VWC2L: variants seen among roughly 807,000 people sequenced by gnomAD.
VWC2L encodes the protein von Willebrand factor C domain-containing protein 2-like.
VWC2L carries 10 observed loss-of-function variants against 21.6 expected under a neutral mutation model. That is an observed-to-expected ratio of 0.46 (90% CI 0.29 to 0.78). The LOEUF (loss-of-function observed/expected upper bound fraction) is 0.78, where lower values mean the gene tolerates loss of function less well. VWC2L is among the 30% of genes least tolerant of loss of function. VWC2L has a pLI of 0.10. For synonymous variants in VWC2L, 96 were observed against 94.3 expected (o/e 1.02, Z -0.10); for missense variants, 209 against 277.1 (o/e 0.75, Z 1.74).
intron 3 of VWC2L, among the ~76,000 whole-genome samples, chr2:214,462,170 G>A (rs899859851): frequency 6.6e-6 from 1 of 152,166 alleles, no homozygotes; most frequent in African/African-American, 2.4e-5. Context: ...GCAGGTGTGT[G>A]AAACCTAGAA....
intron 3 of VWC2L, among the ~76,000 whole-genome samples, chr2:214,467,459 C>T (rs560216965): frequency 1.4e-4 from 21 of 152,326 alleles, no homozygotes; most frequent in African/African-American, 4.8e-4. Context: ...GGCCTAGAAA[C>T]TTGCAAGGCA....
In VWC2L at chr2:214,412,033, T is replaced by TA. The variant is rs201921052; in HGVS notation, c.-81+257dup. On this transcript the variant is annotated intron_variant, in intron 1 of 3. Coordinates refer to ENST00000312504, the MANE Select transcript of VWC2L (RefSeq NM_001080500.4). ...CAGCTCAATTATGAAGGCTTTTTTT[T>TA]AAAAAAAAAATAGCCTAAGAACTTT... Among the ~76,000 whole-genome samples the TA allele has an allele frequency of 7.3e-3, 1,090 of 149,484 alleles. 8 individuals are homozygous for TA. The highest frequency in any genetic ancestry group is 0.023 in the African/African-American group (948 of 40,820).
At chr2:214,488,941 C>T (rs1206276204) in intron 3 of VWC2L, among the ~76,000 whole-genome samples, 1 of 152,202 alleles carries the variant, frequency 6.6e-6, no homozygotes, top group Non-Finnish European at 1.5e-5. Context: ...GAAGGATCCA[C>T]CCCCATCACC....
intron 3 of VWC2L, among the ~76,000 whole-genome samples, chr2:214,544,634 G>T (rs56762680): frequency 0.018 from 2,745 of 152,202 alleles, 90 homozygotes; most frequent in African/African-American, 0.061. Flanking sequence ...ATGGCGAATG[G>T]CACACAGGTT....
At chr2:214,551,321 A>C (rs1027474115) in intron 3 of VWC2L, among the ~76,000 whole-genome samples, 2 of 152,172 alleles carry the variant, frequency 1.3e-5, no homozygotes, top group Non-Finnish European at 2.9e-5. Context: ...AATTTTACAA[A>C]TCTTCTTATT....
chr2:214,569,487 G>A (rs1690117527), intron 3 of VWC2L, among the ~76,000 whole-genome samples: 1 of 152,064 alleles, frequency 6.6e-6, no homozygotes, highest in Non-Finnish European at 1.5e-5. Flanking sequence ...TTCTGATTTG[G>A]GTGACATAAA....
intron 3 of VWC2L, among the ~76,000 whole-genome samples, chr2:214,564,107 A>G (rs1690024020): frequency 6.6e-6 from 1 of 152,192 alleles, no homozygotes; most frequent in Non-Finnish European, 1.5e-5. Flanking sequence ...AATACAGCTA[A>G]CAAGGGAAGT....
intron 3 of VWC2L, among the ~76,000 whole-genome samples, chr2:214,559,814 T>A (rs1426064567): frequency 6.6e-6 from 1 of 152,172 alleles, no homozygotes; most frequent in African/African-American, 2.4e-5. Flanking sequence ...TTGCCCAGGC[T>A]AGTCTTGAAT....
In VWC2L at chr2:214,488,869, T is replaced by C. The variant is rs146267190; in HGVS notation, c.520+52111T>C. On this transcript the variant is annotated intron_variant, in intron 3 of 3. Transcript: ENST00000312504. The stretch of plus-strand genomic sequence containing the variant: ...TGCCAGGCTCTTCTTTACAACCAGT[T>C]CTCACAGGAACTAATAGAGAACTCA... Among the ~76,000 whole-genome samples, 1,287 of 152,016 alleles carry C rather than the reference T, an allele frequency of 8.5e-3. 11 individuals are homozygous for C. Among genetic ancestry groups the C allele is most frequent in the Middle Eastern group, 0.024 (7 of 294 alleles).
chr2:214,574,466 C>T (rs773468580), intron 3 of VWC2L, among the ~76,000 whole-genome samples: 8 of 152,092 alleles, frequency 5.3e-5, no homozygotes, highest in Non-Finnish European at 1.2e-4. Context: ...AAATATGAAG[C>T]GGAACTACAC....
intron 3 of VWC2L, among the ~76,000 whole-genome samples, chr2:214,470,916 C>CAAAAAAAAAAAAAAAAAAAAAAAAAAAAA (rs56041924): frequency 2.0e-5 from 1 of 50,794 alleles, no homozygotes; most frequent in African/African-American, 1.0e-4. Flanking sequence ...AACTCCATCT[C>CAAAAAAAAAAAAAAAAAAAAAAAAAAAAA]AAAAAAAAAA....
chr2:214,551,640 T>C (rs1160005962), intron 3 of VWC2L, among the ~76,000 whole-genome samples: 9 of 152,248 alleles, frequency 5.9e-5, no homozygotes. Context: ...TATTGACTTC[T>C]CTTTCCAACT....
chr2:214,489,093 C>A (rs1688712284), intron 3 of VWC2L, among the ~76,000 whole-genome samples: 1 of 152,178 alleles, frequency 6.6e-6, no homozygotes, highest in African/African-American at 2.4e-5. Flanking sequence ...GCTACTTCAT[C>A]ACCTGCTATG....
At chr2:214,439,860 C>T (rs970362763) in intron 3 of VWC2L, among the ~76,000 whole-genome samples, 8 of 151,570 alleles carry the variant, frequency 5.3e-5, no homozygotes, top group East Asian at 1.9e-4. Flanking sequence ...GTAGTTTTTC[C>T]GTAAAACTGT....
intron 3 of VWC2L, among the ~76,000 whole-genome samples, chr2:214,470,208 A>C (rs552602563): frequency 1.5e-4 from 22 of 149,020 alleles, no homozygotes; most frequent in Non-Finnish European, 2.8e-4. Context: ...ATTTTTGATA[A>C]ATGCTTTTTT....
intron 3 of VWC2L, among the ~76,000 whole-genome samples, chr2:214,559,294 T>C (rs1574636166): frequency 6.6e-6 from 1 of 152,000 alleles, no homozygotes; most frequent in South Asian, 2.1e-4. Context: ...TGAGAAACCA[T>C]CTCACACCAG....
At chr2:214,416,270 GATA>G (rs764857030) in intron 2 of VWC2L, among the ~76,000 whole-genome samples, 3 of 151,946 alleles carry the variant, frequency 2.0e-5, no homozygotes, top group Non-Finnish European at 4.4e-5. Flanking sequence ...TTACTACAAA[GATA>G]ATAACTATGT....
intron 3 of VWC2L, among the ~76,000 whole-genome samples, chr2:214,514,492 G>A (rs527418079): frequency 6.6e-6 from 1 of 152,222 alleles, no homozygotes; most frequent in Admixed American, 6.5e-5. Flanking sequence ...AGAAATAATG[G>A]AATAGTAGTA....
At chr2:214,488,281 A>G (rs970511457) in intron 3 of VWC2L, among the ~76,000 whole-genome samples, 11 of 152,280 alleles carry the variant, frequency 7.2e-5, no homozygotes, top group South Asian at 4.1e-4. Flanking sequence ...CAAACTTCCT[A>G]TGATAGAGAA....
Sources: gnomAD v4.1 joint callset for allele counts (sites outside exome capture counted in the v4.1 genomes callset) on GRCh38, gnomAD v4.1.1 for gene constraint, MANE v1.5 for transcripts, NCBI Gene and HGNC (gene_info 2026-07-23, HGNC 2026-07-21) for gene names.